The following HNRNPR variants were observed in gnomAD, a reference collection of about 807,000 sequenced individuals.
HNRNPR encodes heterogeneous nuclear ribonucleoprotein R.
In HNRNPR, 4 loss-of-function variants were observed where a neutral mutation model predicts 70.3. The ratio of observed to expected loss-of-function variants is 0.06; its 90% confidence interval spans 0.03 to 0.13. HNRNPR has a LOEUF of 0.13. Ranked by LOEUF, HNRNPR falls within the 10% of genes least tolerant of loss-of-function variation. The pLI, the probability that HNRNPR is intolerant of heterozygous loss-of-function variation, is 1.00. For missense variants in HNRNPR, 423 were observed against 788.5 expected (o/e 0.54, Z 5.55); for synonymous variants, 241 against 267.6 (o/e 0.90, Z 0.97).
intron 5 of HNRNPR, among the ~76,000 whole-genome samples, chr1:23,328,078 G>A (rs888938963): frequency 6.6e-6 from 1 of 151,976 alleles, no homozygotes. Context: ...AAAAGGCCAT[G>A]AGATGTGAGA....
chr1:23,317,594 G>T (rs1273549754), intron 8 of HNRNPR, among the ~76,000 whole-genome samples: 1 of 152,126 alleles, frequency 6.6e-6, no homozygotes, highest in Non-Finnish European at 1.5e-5. Context: ...CCCTTTACAG[G>T]ACTTGCCATG....
chr1:23,330,142 T>C (rs1261244423), intron 5 of HNRNPR, among the ~76,000 whole-genome samples: 1 of 152,186 alleles, frequency 6.6e-6, no homozygotes, highest in Non-Finnish European at 1.5e-5. Flanking sequence ...TTCTTTTCAT[T>C]ACTCTGCAAA....
chr1:23,331,426 C>G (rs1284639856), intron 5 of HNRNPR, among the ~76,000 whole-genome samples: 1 of 64,472 alleles, frequency 1.6e-5, no homozygotes, highest in African/African-American at 5.1e-5. Flanking sequence ...AAAAAAATAG[C>G]TGGGCTTCAC....
At chr1:23,338,818 A>C (rs1646602451) in intron 2 of HNRNPR, among the ~76,000 whole-genome samples, 1 of 152,144 alleles carries the variant, frequency 6.6e-6, no homozygotes. Flanking sequence ...ACAACCAAAA[A>C]CATGAATTTC....
chr1:23,321,920 A>G (rs1248365523), intron 6 of HNRNPR, among the ~76,000 whole-genome samples: 1 of 152,192 alleles, frequency 6.6e-6, no homozygotes, highest in Non-Finnish European at 1.5e-5. Context: ...ATCTTATTTC[A>G]TATTTTAATT....
At chr1:23,343,232 T>TGG (rs1226033315) in intron 1 of HNRNPR, among the ~76,000 whole-genome samples, 1 of 152,218 alleles carries the variant, frequency 6.6e-6, no homozygotes, top group East Asian at 1.9e-4. Flanking sequence ...AAAGGGCTGC[T>TGG]GGGAGATTCG....
intron 5 of HNRNPR, among the ~76,000 whole-genome samples, chr1:23,333,248 T>C (rs750439602): frequency 6.6e-6 from 1 of 152,126 alleles, no homozygotes; most frequent in Non-Finnish European, 1.5e-5. Context: ...ACTCCAAGTA[T>C]CTAAAATGGT....
rs934157767 is a variant in HNRNPR, at chr1:23,306,341, G to A, written c.*4113C>T. ...GGCTGACATAATTGCCCACTTATAG[G>A]ATATGGGCATTCTCCCACACTTAAT... On this transcript the variant is annotated 3_prime_UTR_variant, in exon 11 of 11. Transcript: ENST00000302271. The A allele has an allele frequency of 6.6e-6, 1 of 151,464 alleles. No individual in the cohort carries two copies. Among genetic ancestry groups the A allele is most frequent in the African/African-American group, 2.4e-5 (1 of 41,148 alleles). 9.4% of individuals were successfully genotyped at this position (151,464 alleles called of 1,614,324 possible).
chr1:23,333,847 A>C (rs1378722515), intron 4 of HNRNPR, among the ~76,000 whole-genome samples: 1 of 152,106 alleles, frequency 6.6e-6, no homozygotes, highest in Non-Finnish European at 1.5e-5. Context: ...AAAAATTAGC[A>C]CAAGTCTTAC....
chr1:23,308,763 T>C lies in HNRNPR; in HGVS notation c.*1691A>G, dbSNP rs1482101454. On this transcript the variant is annotated 3_prime_UTR_variant, in exon 11 of 11. Transcript: ENST00000302271. ...CTTAAATTGAAATGAAAAGAAGCCA[T>C]GAAACCCAATATGATCTAGCCAAGA... 1 of 152,072 alleles carries C rather than the reference T, an allele frequency of 6.6e-6. No homozygotes were observed. The highest frequency in any genetic ancestry group is 1.5e-5 in the Non-Finnish European group (1 of 67,916). The allele number at this position is 152,072 out of a possible 1,614,324, so 9.4% of individuals were successfully genotyped here. A position where few individuals can be genotyped will look rare whatever the true frequency, so the allele number is the denominator to read the frequency against.
At chr1:23,325,087 C>T (rs1461788445) in intron 5 of HNRNPR, among the ~76,000 whole-genome samples, 2 of 151,988 alleles carry the variant, frequency 1.3e-5, no homozygotes, top group Non-Finnish European at 2.9e-5. Context: ...TTGCAGGGAG[C>T]CGAGATCGCG....
chr1:23,323,422 C>T (rs1241658332), intron 6 of HNRNPR, 134 bp downstream of exon 6: 4 of 713,962 alleles, frequency 5.6e-6, no homozygotes, highest in East Asian at 5.4e-5. Flanking sequence ...ACGTCACATA[C>T]CAACTTGGTC....
chr1:23,342,219 G>A (rs1266447381), intron 1 of HNRNPR, among the ~76,000 whole-genome samples: 1 of 152,170 alleles, frequency 6.6e-6, no homozygotes, highest in Non-Finnish European at 1.5e-5. Context: ...CGAACATTGT[G>A]CAAATGCACC....
chr1:23,313,422 C>A, intron 9 of HNRNPR, 131 bp downstream of exon 9: 1 of 648,784 alleles, frequency 1.5e-6, no homozygotes, highest in South Asian at 2.1e-5. Flanking sequence ...TACCACTTTA[C>A]AGAGATTAAA....
At chr1:23,341,123 C>A in intron 1 of HNRNPR, 106 bp from the exon 2 acceptor site, 2 of 761,920 alleles carry the variant, frequency 2.6e-6, no homozygotes, top group Non-Finnish European at 4.2e-6. Flanking sequence ...CTGCTAATAA[C>A]CTCTATCAAA....
In HNRNPR at chr1:23,308,658, C is replaced by T. The variant is rs1569862314; in HGVS notation, c.*1796G>A. The T allele has an allele frequency of 1.3e-5, 2 of 151,934 alleles. No homozygotes were observed. Among genetic ancestry groups the T allele is most frequent in the East Asian group, 3.9e-4 (2 of 5,192 alleles). The allele number at this position is 151,934 out of a possible 1,614,324, so 9.4% of individuals were successfully genotyped here. Reference sequence around the variant, plus strand: ...CAAAAAACTAAAATATCAATAAGGTCTGTTAAATGACTATACTGTGTAATG... The same window carrying T: ...CAAAAAACTAAAATATCAATAAGGTTTGTTAAATGACTATACTGTGTAATG... On this transcript the variant is annotated 3_prime_UTR_variant, in exon 11 of 11. Transcript: ENST00000302271.
chr1:23,314,797 C>T (rs2148330676), intron 8 of HNRNPR, among the ~76,000 whole-genome samples: 1 of 152,286 alleles, frequency 6.6e-6, no homozygotes, highest in African/African-American at 2.4e-5. Flanking sequence ...TTAACAATTA[C>T]AGATATATCT....
rs1344322870 is a variant in HNRNPR at position 23,308,251 on chromosome 1, T to C, written c.*2203A>G. On this transcript the variant is annotated 3_prime_UTR_variant, in exon 11 of 11. Coordinates refer to ENST00000302271, the MANE Select transcript of HNRNPR (RefSeq NM_005826.5). ...TATAATTTGCAATTAAAGGAAAGGA[T>C]TTTGACATGGAACCCAAGTTTTAAT... 1.3e-5 allele frequency: 2 copies of C among 152,050 alleles called. No individual in the cohort carries two copies. Among genetic ancestry groups the C allele is most frequent in the African/African-American group, 2.4e-5 (1 of 41,436 alleles). 9.4% of individuals were successfully genotyped at this position (152,050 alleles called of 1,614,324 possible).
chr1:23,312,233 T>G (rs1464684626), intron 9 of HNRNPR, among the ~76,000 whole-genome samples: 1 of 152,212 alleles, frequency 6.6e-6, no homozygotes, highest in Non-Finnish European at 1.5e-5. Context: ...CAGCTTTGCG[T>G]TGCTTCAGTT....
Sources: allele counts gnomAD v4.1 joint callset (sites outside exome capture counted in the v4.1 genomes callset), GRCh38; gene constraint gnomAD v4.1.1; transcripts MANE v1.5; gene names NCBI Gene and HGNC (gene_info 2026-07-23, HGNC 2026-07-21).